The following INPP5A variants were observed in gnomAD, a reference collection of about 807,000 sequenced individuals.
The protein encoded by INPP5A is inositol polyphosphate-5-phosphatase A.
Under a neutral mutation model 65.2 loss-of-function variants are expected in INPP5A, and 14 were observed. The ratio of observed to expected loss-of-function variants is 0.21; its 90% CI spans 0.14 to 0.34. The LOEUF is 0.34. Among genes scored for constraint, INPP5A ranks in the 10% least tolerant of loss-of-function variants. The pLI is 1.00. For synonymous variants in INPP5A, 207 were observed against 208.3 expected (o/e 0.99, Z 0.05); for missense variants, 431 against 545.6 (o/e 0.79, Z 2.09).
chr10:132,635,260 T>C (rs1338004130), intron 2 of INPP5A, among the ~76,000 whole-genome samples: 1 of 152,202 alleles, frequency 6.6e-6, no homozygotes, highest in African/African-American at 2.4e-5. Flanking sequence ...GTCTGCCATT[T>C]TTTATTTTTC....
intron 2 of INPP5A, among the ~76,000 whole-genome samples, chr10:132,610,992 T>C (rs532106310): frequency 6.6e-6 from 1 of 151,542 alleles, no homozygotes; most frequent in South Asian, 2.1e-4. Flanking sequence ...AGAGAGGCCC[T>C]GTCAGAGGAG....
rs986712476 is a variant in INPP5A, at chr10:132,545,288, G to T, written c.75+7117G>T. On this transcript the variant is annotated intron_variant, in intron 1 of 15. Coordinates refer to ENST00000368594, the MANE Select transcript of INPP5A (RefSeq NM_005539.5). This position sits in a 1 kb window ranked among gnomAD's most constrained non-coding sequence, Gnocchi z 4.6. Reference sequence around the variant, plus strand: ...AATCCAGACCCAGGCCTGCCCCACCGTGAAGCATCAAATTTAGAGCCCCTC... The same window carrying T: ...AATCCAGACCCAGGCCTGCCCCACCTTGAAGCATCAAATTTAGAGCCCCTC... Among the ~76,000 whole-genome samples the T allele has an allele frequency of 9.9e-5, 15 of 152,206 alleles. No individual in the cohort carries two copies. Among genetic ancestry groups the T allele is most frequent in the African/African-American group, 3.4e-4 (14 of 41,448 alleles).
rs1264357094 is a variant in INPP5A at position 132,555,234 on chromosome 10, G to A, written c.75+17063G>A. ...GCAGGCTGGGTGGTGATATGTGATGGTGCTCAGGCCCCTGTTCCTTCACCG... is the reference window on the plus strand; with the variant it reads ...GCAGGCTGGGTGGTGATATGTGATGATGCTCAGGCCCCTGTTCCTTCACCG... On this transcript the variant is annotated intron_variant, in intron 1 of 15. Transcript: ENST00000368594. This position sits in a 1 kb window ranked among gnomAD's most constrained non-coding sequence, Gnocchi z 4.4. Among the ~76,000 whole-genome samples the A allele has an allele frequency of 1.3e-5, 2 of 151,982 alleles. No individual in the cohort carries two copies. The highest frequency in any genetic ancestry group is 4.8e-5 in the African/African-American group (2 of 41,362).
chr10:132,544,505 C>T (rs2070944508), intron 1 of INPP5A, among the ~76,000 whole-genome samples: 1 of 152,028 alleles, frequency 6.6e-6, no homozygotes, highest in Non-Finnish European at 1.5e-5. Flanking sequence ...GAATTATGAC[C>T]TGTTTGCCAG....
intron 8 of INPP5A, among the ~76,000 whole-genome samples, chr10:132,723,024 G>A (rs548305167): frequency 6.6e-6 from 1 of 152,312 alleles, no homozygotes; most frequent in Non-Finnish European, 1.5e-5. Flanking sequence ...TCTTGCGGCC[G>A]CCGTGCACCC....
intron 12 of INPP5A, among the ~76,000 whole-genome samples, chr10:132,774,600 C>A (rs1042084525): frequency 2.2e-4 from 34 of 152,174 alleles, no homozygotes; most frequent in African/African-American, 8.0e-4. Flanking sequence ...CCTGTGCCGT[C>A]AGCCCTGCCC....
intron 11 of INPP5A, among the ~76,000 whole-genome samples, chr10:132,760,818 G>A (rs1846719497): frequency 6.6e-6 from 1 of 152,174 alleles, no homozygotes; most frequent in Non-Finnish European, 1.5e-5. Context: ...GTCTTCCTGA[G>A]GGGAGTTTGA....
At chr10:132,771,372 A>G (rs1054436493) in intron 12 of INPP5A, among the ~76,000 whole-genome samples, 2 of 152,268 alleles carry the variant, frequency 1.3e-5, no homozygotes, top group Admixed American at 6.5e-5. Context: ...GACCCTGCCC[A>G]GCACGGCCCG....
chr10:132,748,363 C>G (rs1846410115), intron 9 of INPP5A, among the ~76,000 whole-genome samples: 1 of 152,236 alleles, frequency 6.6e-6, no homozygotes, highest in Non-Finnish European at 1.5e-5. Flanking sequence ...AGCACGGGCC[C>G]TCGCTGTCCA....
intron 4 of INPP5A, among the ~76,000 whole-genome samples, chr10:132,683,549 T>G (rs530976719): frequency 6.6e-6 from 1 of 152,352 alleles, no homozygotes; most frequent in African/African-American, 2.4e-5. Context: ...CTGCATAGTA[T>G]GTCTGTGTGA....
At chr10:132,641,868 G>A (rs930371505) in intron 2 of INPP5A, among the ~76,000 whole-genome samples, 2 of 152,198 alleles carry the variant, frequency 1.3e-5, no homozygotes, top group African/African-American at 4.8e-5. Flanking sequence ...TGGGAACCCC[G>A]GGCTTCTCCT....
intron 4 of INPP5A, among the ~76,000 whole-genome samples, chr10:132,662,674 G>A (rs1261731950): frequency 1.3e-5 from 2 of 152,154 alleles, no homozygotes; most frequent in African/African-American, 4.8e-5. Flanking sequence ...GTAGATCCCC[G>A]CACCTTGGCC....
At chr10:132,639,291 A>G (rs1393011471) in intron 2 of INPP5A, among the ~76,000 whole-genome samples, 1 of 147,990 alleles carries the variant, frequency 6.8e-6, no homozygotes, top group African/African-American at 2.5e-5. Context: ...TTCAATAGAT[A>G]CTGACTTCTG....
intron 8 of INPP5A, among the ~76,000 whole-genome samples, chr10:132,721,282 T>G (rs560075672): frequency 1.0e-3 from 154 of 149,450 alleles, no homozygotes; most frequent in Middle Eastern, 3.6e-3. Context: ...GTCTTGCGGG[T>G]TCTGTGGTGC....
intron 8 of INPP5A, among the ~76,000 whole-genome samples, chr10:132,720,160 T>C (rs1382079018): frequency 2.0e-5 from 3 of 149,652 alleles, no homozygotes; most frequent in African/African-American, 7.4e-5. Context: ...GGTTCTGTGG[T>C]ACCTGGGTTC....
chr10:132,552,305 T>G (rs2071064035), intron 1 of INPP5A, among the ~76,000 whole-genome samples: 1 of 147,198 alleles, frequency 6.8e-6, no homozygotes, highest in Admixed American at 6.7e-5. Flanking sequence ...GAACGCCTTC[T>G]CAGAGCCTTG....
chr10:132,758,646 C>T (rs1846675724), intron 11 of INPP5A, among the ~76,000 whole-genome samples: 1 of 145,990 alleles, frequency 6.8e-6, no homozygotes, highest in African/African-American at 2.5e-5. Flanking sequence ...AGCACAGCAC[C>T]ATGGAATGGG....
At chr10:132,772,494 CACAG>C (rs1432483425) in intron 12 of INPP5A, among the ~76,000 whole-genome samples, 2 of 128,708 alleles carry the variant, frequency 1.6e-5, no homozygotes, top group East Asian at 4.8e-4. Flanking sequence ...TCAGCACTGA[CACAG>C]AGGCCACAGC....
At chr10:132,751,838 T>G (rs1171416275) in intron 11 of INPP5A, among the ~76,000 whole-genome samples, 24 of 89,314 alleles carry the variant, frequency 2.7e-4, no homozygotes, top group Admixed American at 8.4e-4. Flanking sequence ...GGAAGTGCCT[T>G]CGTGGAGGCG....
Sources: gnomAD v4.1 joint callset for allele counts (sites outside exome capture counted in the v4.1 genomes callset) on GRCh38, gnomAD v4.1.1 for gene constraint, Gnocchi (gnomAD v3.1) non-coding constraint, MANE v1.5 for transcripts, NCBI Gene and HGNC (gene_info 2026-07-23, HGNC 2026-07-21) for gene names.